The following MTA3 variants were observed in gnomAD, a reference collection of about 807,000 sequenced individuals.
The protein encoded by MTA3 is metastasis-associated protein MTA3.
Under a neutral mutation model 83.5 loss-of-function variants are expected in MTA3, and 34 were observed. That is an observed-to-expected ratio of 0.41 (90% CI 0.31 to 0.54). The LOEUF (loss-of-function observed/expected upper bound fraction) is 0.54, where lower values mean the gene tolerates loss of function less well. Among genes scored for constraint, MTA3 ranks in the 20% least tolerant of loss-of-function variants. MTA3 has a pLI of 0.33. For synonymous variants in MTA3, 303 were observed against 252.7 expected, an observed-to-expected ratio of 1.20 and a Z score of -1.89; for missense variants, 761 against 726.4, an observed-to-expected ratio of 1.05 and a Z score of -0.55.
chr2:42,705,517 C>G (rs1247416867), intron 12 of MTA3, among the ~76,000 whole-genome samples: 1 of 151,526 alleles, frequency 6.6e-6, no homozygotes, highest in African/African-American at 2.4e-5. Context: ...CCAGCCTGGC[C>G]AACATGGTGA....
chr2:42,730,687 G>A (rs1668175101), intron 16 of MTA3, among the ~76,000 whole-genome samples: 1 of 152,080 alleles, frequency 6.6e-6, no homozygotes, highest in Admixed American at 6.5e-5. Flanking sequence ...GTCTTTTTCT[G>A]GTTTTGCTAT....
Position 42,538,929 on chromosome 2 carries a change from C to T in MTA3, c.-140-31508C>T, listed in dbSNP as rs556028957. Among the ~76,000 whole-genome samples the T allele has an allele frequency of 8.6e-3, 1,280 of 149,130 alleles. 7 individuals carry two copies. Among genetic ancestry groups the T allele is most frequent in the Middle Eastern group, 0.014 (4 of 292 alleles). On this transcript the variant is annotated intron_variant, in intron 2 of 17. Coordinates refer to the MTA3 transcript ENST00000405592. The stretch of plus-strand genomic sequence containing the variant: ...AGCTGGGACTACAGGCGCCCGCCAC[C>T]GTGCCCGGCTAATTTTTTGTATTTT...
chr2:42,688,942 C>T (rs1270094747), intron 9 of MTA3, among the ~76,000 whole-genome samples: 2 of 152,030 alleles, frequency 1.3e-5, no homozygotes, highest in South Asian at 2.1e-4. Flanking sequence ...TTTACTATTA[C>T]ATGTGAGATC....
intron 6 of MTA3, among the ~76,000 whole-genome samples, chr2:42,651,021 A>G (rs1214590118): frequency 4.1e-4 from 62 of 152,184 alleles, no homozygotes; most frequent in East Asian, 1.9e-4. Flanking sequence ...CACCCAGGCT[A>G]TATGGTATAG....
chr2:42,557,202 C>T (rs1677436233), intron 2 of MTA3, among the ~76,000 whole-genome samples: 1 of 152,024 alleles, frequency 6.6e-6, no homozygotes, highest in Admixed American at 6.6e-5. Context: ...GATATCGCAC[C>T]ACTGCACTTC....
intron 2 of MTA3, among the ~76,000 whole-genome samples, chr2:42,561,328 C>CT (rs1315536143): frequency 0.023 from 3,321 of 143,796 alleles, 97 homozygotes; most frequent in African/African-American, 0.074. Flanking sequence ...TTATTTATTT[C>CT]TTTTTTTTTT....
At chr2:42,724,675 A>T (rs944769100) in intron 16 of MTA3, among the ~76,000 whole-genome samples, 1 of 151,964 alleles carries the variant, frequency 6.6e-6, no homozygotes, top group Non-Finnish European at 1.5e-5. Flanking sequence ...ACTGTGACTG[A>T]TGTTAGCATA....
intron 6 of MTA3, among the ~76,000 whole-genome samples, chr2:42,655,094 T>C (rs1004676980): frequency 6.6e-6 from 1 of 152,214 alleles, no homozygotes; most frequent in Non-Finnish European, 1.5e-5. Context: ...GAGGCTGCTA[T>C]GTCTCTCTCT....
At chr2:42,566,210 C>T (rs1409938926), upstream of MTA3, among the ~76,000 whole-genome samples, 1 of 151,980 alleles carries the variant, frequency 6.6e-6, no homozygotes, top group Non-Finnish European at 1.5e-5. Context: ...GGGAGAGGCG[C>T]CTTTGCTTTT....
intron 16 of MTA3, among the ~76,000 whole-genome samples, chr2:42,732,551 A>G (rs1668305413): frequency 6.6e-6 from 1 of 152,190 alleles, no homozygotes; most frequent in African/African-American, 2.4e-5. Context: ...GACCTCTGAC[A>G]TGGCCTAGAG....
rs1687943831 is a variant in MTA3 at position 42,644,114 on chromosome 2, T to C, written c.382-13T>C. The C allele has an allele frequency of 6.6e-7, 1 of 1,512,232 alleles. No individual in the cohort carries two copies. The highest frequency in any genetic ancestry group is 1.4e-5 in the African/African-American group (1 of 71,964). 93.7% of individuals were successfully genotyped at this position (1,512,232 alleles called of 1,614,324 possible). On this transcript the variant is annotated splice_polypyrimidine_tract_variant and intron_variant, in intron 5 of 16. Transcript: ENST00000405094. ...GAATTAAGTATACCTATGTATTTTG[T>C]CATATTTTTCAGGATACCTTCTTCT... is the stretch of plus-strand genomic sequence containing the variant.
intron 16 of MTA3, among the ~76,000 whole-genome samples, chr2:42,749,736 G>A (rs1324626640): frequency 6.6e-6 from 1 of 152,024 alleles, no homozygotes; most frequent in Non-Finnish European, 1.5e-5. Flanking sequence ...CCAAAGTGCT[G>A]GGATTACAGG....
At chr2:42,612,461 C>T (rs1192915102) in intron 4 of MTA3, among the ~76,000 whole-genome samples, 1 of 152,100 alleles carries the variant, frequency 6.6e-6, no homozygotes, top group Non-Finnish European at 1.5e-5. Flanking sequence ...AGTGATCTGC[C>T]CACCTTGGCC....
At chr2:42,619,618 A>G (rs1166899299) in intron 4 of MTA3, among the ~76,000 whole-genome samples, 1 of 152,318 alleles carries the variant, frequency 6.6e-6, no homozygotes, top group African/African-American at 2.4e-5. Context: ...TGTAGTTCCA[A>G]ATAAAATCTC....
chr2:42,581,357 T>A lies in MTA3; in HGVS notation c.190+2157T>A, dbSNP rs980771886. Among the ~76,000 whole-genome samples the A allele has an allele frequency of 8.1e-5, 12 of 148,764 alleles. No individual in the cohort carries two copies. The East Asian group carries it at 2.0e-3, about 24-fold the overall frequency. ...GTGAGTCACCATGCCTGGTCCCAAA[T>A]TGCTTTTTTTTTTTTTTTTTTTTTT... is the stretch of plus-strand genomic sequence containing the variant. On this transcript the variant is annotated intron_variant, in intron 3 of 16. Coordinates refer to ENST00000405094, the MANE Select transcript of MTA3 (RefSeq NM_001330442.2).
intron 3 of MTA3, among the ~76,000 whole-genome samples, chr2:42,597,290 A>G (rs964844827): frequency 1.3e-5 from 2 of 149,400 alleles, no homozygotes; most frequent in African/African-American, 4.9e-5. Context: ...GTCTCAAAGT[A>G]CTGGTTTCAT....
At chr2:42,648,347 T>C (rs958931181) in intron 6 of MTA3, among the ~76,000 whole-genome samples, 1 of 152,256 alleles carries the variant, frequency 6.6e-6, no homozygotes, top group Non-Finnish European at 1.5e-5. Context: ...GAATCCATTC[T>C]TCCTAACCCT....
At chr2:42,628,503 G>A (rs925189063) in intron 4 of MTA3, among the ~76,000 whole-genome samples, 3 of 152,148 alleles carry the variant, frequency 2.0e-5, no homozygotes, top group Admixed American at 6.6e-5. Flanking sequence ...CAAAGTGGTG[G>A]GATTACAGGC....
chr2:42,649,808 A>G (rs543838196), intron 6 of MTA3, among the ~76,000 whole-genome samples: 1 of 152,346 alleles, frequency 6.6e-6, no homozygotes, highest in East Asian at 1.9e-4. Flanking sequence ...GAAAAATTAC[A>G]TTCTGCATTC....
Sources: gnomAD v4.1 joint callset for allele counts (sites outside exome capture counted in the v4.1 genomes callset) on GRCh38, gnomAD v4.1.1 for gene constraint, MANE v1.5 for transcripts, NCBI Gene and HGNC (gene_info 2026-07-23, HGNC 2026-07-21) for gene names.